ZFPM2: variants seen among roughly 807,000 people sequenced by gnomAD.
The protein encoded by ZFPM2 is zinc finger protein ZFPM2.
Under a neutral mutation model 98.6 loss-of-function variants are expected in ZFPM2, and 20 were observed. That is an observed-to-expected ratio of 0.20 (90% confidence interval 0.14 to 0.29). The LOEUF is 0.29. Ranked by LOEUF, ZFPM2 falls within the 10% of genes least tolerant of loss-of-function variation. The pLI, the probability that ZFPM2 is intolerant of heterozygous loss-of-function variation, is 1.00. For synonymous variants in ZFPM2, 518 were observed against 502.7 expected, an observed-to-expected ratio of 1.03 and a Z score of -0.41; for missense variants, 1,310 against 1,388.6, an observed-to-expected ratio of 0.94 and a Z score of 0.90.
chr8:105,754,592 C>T (rs1812551034), intron 5 of ZFPM2, among the ~76,000 whole-genome samples: 1 of 151,996 alleles, frequency 6.6e-6, no homozygotes, highest in Admixed American at 6.6e-5. Context: ...GCCTCAATTT[C>T]TTATTCAACG....
At chr8:105,468,959 A>T (rs1242294505) in intron 3 of ZFPM2, among the ~76,000 whole-genome samples, 3 of 149,632 alleles carry the variant, frequency 2.0e-5, no homozygotes, top group Admixed American at 2.0e-4. Context: ...GCTGAATACA[A>T]AGCAGTTTTT....
intron 3 of ZFPM2, among the ~76,000 whole-genome samples, chr8:105,546,424 A>C (rs58798078): frequency 0.22 from 32,743 of 151,372 alleles, 3,746 homozygotes; most frequent in African/African-American, 0.29. Flanking sequence ...ACAAAATTAG[A>C]CGGGCGTGGT....
Position 105,388,876 on chromosome 8 carries a change from G to A in ZFPM2, c.41-30268G>A, listed in dbSNP as rs572760791. ...TAGTTAAGAACTCAGAACTGTTTCTGTTTGGAGGTTAGACCTTCACTGATA... is the reference window on the plus strand; with the variant it reads ...TAGTTAAGAACTCAGAACTGTTTCTATTTGGAGGTTAGACCTTCACTGATA... On this transcript the variant is annotated intron_variant, in intron 1 of 7. Transcript: ENST00000407775. 2.0e-5 allele frequency among the ~76,000 whole-genome samples: 3 copies of A among 152,274 alleles called. No individual in the cohort carries two copies. The South Asian group carries it at 6.2e-4, about 32-fold the overall frequency.
rs1554600680 is a variant in ZFPM2 at position 105,393,337 on chromosome 8, C to CTGTCTTT, written c.41-25807_41-25806insTGTCTTT. ...TCTTCCTTCCCTCTCTCTCTCTTTG[C>CTGTCTTT]CTTTCTTTCTTTCTTTCTTTCTTTC... is the stretch of plus-strand genomic sequence containing the variant. On this transcript the variant is annotated intron_variant, in intron 1 of 7. Transcript: ENST00000407775. 8.2e-4 allele frequency among the ~76,000 whole-genome samples: 94 copies of CTGTCTTT among 114,846 alleles called. 1 individual carries two copies. The highest frequency in any genetic ancestry group is 2.6e-3 in the African/African-American group (82 of 31,376). 75.3% of individuals were successfully genotyped at this position (114,846 alleles called of 152,430 possible). A position where few individuals can be genotyped will look rare whatever the true frequency, so the allele number is the denominator to read the frequency against.
rs528332913 is a variant in ZFPM2, at chr8:105,567,020, C to CG, written c.420+5539_420+5540insG. On this transcript the variant is annotated intron_variant, in intron 4 of 7. Coordinates refer to ENST00000407775, the MANE Select transcript of ZFPM2 (RefSeq NM_012082.4). Reference sequence around the variant, plus strand: ...TGCATCTTAAAAGTTTTAAGATAGTCATCTTTATAGAAATGTGGTTAAGGA... The same window carrying CG: ...TGCATCTTAAAAGTTTTAAGATAGTCGATCTTTATAGAAATGTGGTTAAGGA... 7.6e-4 allele frequency among the ~76,000 whole-genome samples: 115 copies of CG among 152,178 alleles called. 1 individual carries two copies. Among genetic ancestry groups the CG allele is most frequent in the African/African-American group, 2.7e-3 (114 of 41,536 alleles).
intron 5 of ZFPM2, among the ~76,000 whole-genome samples, chr8:105,672,534 A>G (rs923179790): frequency 3.9e-5 from 6 of 152,096 alleles, no homozygotes; most frequent in African/African-American, 1.4e-4. Flanking sequence ...GTAATGCTAT[A>G]TAAGAGTGCC....
At chr8:105,389,286 T>G (rs1173544764) in intron 1 of ZFPM2, among the ~76,000 whole-genome samples, 1 of 152,040 alleles carries the variant, frequency 6.6e-6, no homozygotes. Flanking sequence ...TAACAGTATT[T>G]AAGATCTTAG....
chr8:105,803,130 A>G lies in ZFPM2; in HGVS notation c.3048A>G (p.Lys1016=). The part of the protein sequence containing the change: ...QSRNAENESP[K]GQASSNGCAA... The stretch of plus-strand genomic sequence containing the variant: ...GAAATGCAGAAAATGAATCTCCTAA[A>G]GGCCAGGCTTCCTCAAATGGGTGTG... Residue 1016 remains lysine (K), a synonymous_variant, in exon 8 of 8, where the codon AAA becomes AAG. Transcript: ENST00000407775. The G allele has an allele frequency of 6.2e-7, 1 of 1,613,966 alleles. No homozygotes were observed. The highest frequency in any genetic ancestry group is 8.5e-7 in the Non-Finnish European group (1 of 1,179,864).
chr8:105,358,642 G>A (rs972369402), intron 1 of ZFPM2: 2 of 152,278 alleles, frequency 1.3e-5, no homozygotes, highest in Non-Finnish European at 2.9e-5. Flanking sequence ...CCCCAGGTGA[G>A]CCATATAGAT....
intron 1 of ZFPM2, among the ~76,000 whole-genome samples, chr8:105,327,395 T>TAATTAATA (rs1812134724): frequency 2.6e-5 from 4 of 151,734 alleles, no homozygotes; most frequent in Non-Finnish European, 5.9e-5. Flanking sequence ...CTGTATTAAT[T>TAATTAATA]ACTCCCTTGG....
chr8:105,732,458 T>C (rs1311524524), intron 5 of ZFPM2, among the ~76,000 whole-genome samples: 2 of 151,766 alleles, frequency 1.3e-5, no homozygotes, highest in Non-Finnish European at 2.9e-5. Flanking sequence ...GGGCTAACTA[T>C]TGGTTGGATT....
chr8:105,504,100 A>C (rs1813649648), intron 3 of ZFPM2, among the ~76,000 whole-genome samples: 1 of 152,188 alleles, frequency 6.6e-6, no homozygotes, highest in Non-Finnish European at 1.5e-5. Flanking sequence ...CTAGGATTAA[A>C]TCCAAGGGAG....
At position 105,564,797 on chromosome 8, in the gene ZFPM2, A is replaced by G. The variant is rs1367928900; in HGVS notation, c.420+3316A>G. Among the ~76,000 whole-genome samples the G allele has an allele frequency of 4.0e-5, 6 of 151,820 alleles. No homozygotes were observed. In the East Asian group the frequency reaches 9.6e-4, roughly 24 times the overall value. On this transcript the variant is annotated intron_variant, in intron 4 of 7. Coordinates refer to ENST00000407775, the MANE Select transcript of ZFPM2 (RefSeq NM_012082.4). ...GGAAGTATGCAAAAATTAGAAATAT[A>G]CCTTTTTTTCCCCGATGGGCAAAAT...
At position 105,369,013 on chromosome 8, in the gene ZFPM2, A is replaced by T. The variant is rs187992231; in HGVS notation, c.40+50032A>T. ...ATTAACTTTGTAATGAAGGAGCTTT[A>T]TTCCCAGAAGATATTTTAGCCAGCG... On this transcript the variant is annotated intron_variant, in intron 1 of 7. Coordinates refer to ENST00000407775, the MANE Select transcript of ZFPM2 (RefSeq NM_012082.4). Among the ~76,000 whole-genome samples, 9 of 152,282 alleles carry T rather than the reference A, an allele frequency of 5.9e-5. No homozygotes were observed. In the East Asian group the frequency reaches 1.7e-3, roughly 29 times the overall value.
chr8:105,411,093 A>G (rs1292927564), intron 1 of ZFPM2, among the ~76,000 whole-genome samples: 1 of 151,820 alleles, frequency 6.6e-6, no homozygotes, highest in Admixed American at 6.6e-5. Flanking sequence ...TTTTTTTAAA[A>G]TTTGCCCAGT....
intron 3 of ZFPM2, among the ~76,000 whole-genome samples, chr8:105,521,803 C>T (rs1814067489): frequency 6.6e-6 from 1 of 152,156 alleles, no homozygotes; most frequent in Non-Finnish European, 1.5e-5. Flanking sequence ...TCTCAAACTC[C>T]TGACCTCAGG....
chr8:105,674,231 A>G (rs904398681), intron 5 of ZFPM2, among the ~76,000 whole-genome samples: 6 of 152,336 alleles, frequency 3.9e-5, no homozygotes, highest in Admixed American at 2.0e-4. Flanking sequence ...TCAATTTTCC[A>G]GTGTTATTCA....
At chr8:105,554,735 T>A (rs1399441787) in intron 3 of ZFPM2, among the ~76,000 whole-genome samples, 1 of 152,200 alleles carries the variant, frequency 6.6e-6, no homozygotes, top group Non-Finnish European at 1.5e-5. Context: ...ATCTGAGCCT[T>A]GAGTTAAGGG....
At chr8:105,337,198 A>T (rs1812344265) in intron 1 of ZFPM2, among the ~76,000 whole-genome samples, 1 of 151,662 alleles carries the variant, frequency 6.6e-6, no homozygotes, top group Non-Finnish European at 1.5e-5. Context: ...CTCACTTCCA[A>T]TGCCAAGAAT....
Sources: gnomAD v4.1 joint callset for allele counts (sites outside exome capture counted in the v4.1 genomes callset) on GRCh38, gnomAD v4.1.1 for gene constraint, MANE v1.5 for transcripts, NCBI Gene and HGNC (gene_info 2026-07-23, HGNC 2026-07-21) for gene names.